KIAA1328: variants seen among roughly 807,000 people sequenced by gnomAD.
KIAA1328 encodes the protein KIAA1328.
Under a neutral mutation model 68.1 loss-of-function variants are expected in KIAA1328, and 52 were observed. The ratio of observed to expected loss-of-function variants is 0.76; its 90% CI spans 0.61 to 0.96. KIAA1328 has a LOEUF of 0.96. KIAA1328 is among the 40% of genes least tolerant of loss of function. The pLI, the probability that KIAA1328 is intolerant of heterozygous loss-of-function variation, is 0.00. For synonymous variants in KIAA1328, 232 were observed against 239.4 expected (o/e 0.97, Z 0.28); for missense variants, 641 against 677.6 (o/e 0.95, Z 0.60).
At chr18:37,005,007 CA>C (rs1475317840) in intron 6 of KIAA1328, among the ~76,000 whole-genome samples, 2 of 151,950 alleles carry the variant, frequency 1.3e-5, no homozygotes, top group Admixed American at 1.3e-4. Context: ...AATGAAAAAC[CA>C]AATATTGTAT....
chr18:37,170,571 T>C (rs2059480628), intron 8 of KIAA1328, among the ~76,000 whole-genome samples: 3 of 152,206 alleles, frequency 2.0e-5, no homozygotes, highest in Admixed American at 2.0e-4. Context: ...TTCATGCTCG[T>C]CATTGTTTCC....
intron 4 of KIAA1328, among the ~76,000 whole-genome samples, chr18:36,878,281 GA>G (rs765119954): frequency 3.3e-5 from 5 of 152,160 alleles, no homozygotes; most frequent in Non-Finnish European, 5.9e-5. Flanking sequence ...CTTTGCGTAT[GA>G]AGCTTAGTTT....
intron 5 of KIAA1328, among the ~76,000 whole-genome samples, chr18:36,949,938 A>T (rs146013119): frequency 8.3e-4 from 126 of 152,368 alleles, no homozygotes; most frequent in African/African-American, 2.6e-3. Context: ...GGAAGATTTC[A>T]GACTTGTATC....
At chr18:36,975,387 T>A (rs1460345771) in intron 6 of KIAA1328, among the ~76,000 whole-genome samples, 2 of 151,994 alleles carry the variant, frequency 1.3e-5, no homozygotes, top group Non-Finnish European at 2.9e-5. Flanking sequence ...TTTCACCGTT[T>A]TAGCTGGGAT....
At chr18:36,956,271 T>C (rs924292694) in intron 5 of KIAA1328, among the ~76,000 whole-genome samples, 4 of 152,240 alleles carry the variant, frequency 2.6e-5, no homozygotes, top group Admixed American at 1.3e-4. Flanking sequence ...AAGGTTGCAA[T>C]GACTGCTCTG....
intron 7 of KIAA1328, among the ~76,000 whole-genome samples, chr18:37,118,964 C>CT (rs2058196438): frequency 6.6e-6 from 1 of 152,200 alleles, no homozygotes; most frequent in Non-Finnish European, 1.5e-5. Context: ...AAAGACATTT[C>CT]ACCATTTTCT....
intron 6 of KIAA1328, among the ~76,000 whole-genome samples, chr18:37,021,063 A>T (rs553855772): frequency 9.2e-5 from 14 of 152,346 alleles, no homozygotes; most frequent in African/African-American, 3.4e-4. Context: ...TTATTTGTAT[A>T]GGACTCCCCA....
At chr18:36,865,369 G>A (rs898007215) in intron 4 of KIAA1328, among the ~76,000 whole-genome samples, 22 of 151,532 alleles carry the variant, frequency 1.5e-4, no homozygotes, top group African/African-American at 4.1e-4. Flanking sequence ...GATTTTTCTC[G>A]TCTTTCTATT....
intron 6 of KIAA1328, among the ~76,000 whole-genome samples, chr18:37,064,425 C>A (rs770997046): frequency 3.5e-4 from 53 of 152,048 alleles, no homozygotes; most frequent in Admixed American, 1.2e-3. Context: ...TCCCCTTATA[C>A]TAGGGATCTC....
chr18:37,111,110 A>G (rs886145142), intron 7 of KIAA1328, among the ~76,000 whole-genome samples: 3 of 152,160 alleles, frequency 2.0e-5, no homozygotes, highest in Non-Finnish European at 4.4e-5. Flanking sequence ...TCAACTTGAG[A>G]AAAAGAACCA....
chr18:36,859,253 T>G (rs941160539), intron 4 of KIAA1328, among the ~76,000 whole-genome samples: 1 of 152,098 alleles, frequency 6.6e-6, no homozygotes, highest in Non-Finnish European at 1.5e-5. Context: ...TCATTATGTC[T>G]CCTTTATTTT....
chr18:37,002,451 C>T (rs1300844171), intron 6 of KIAA1328, among the ~76,000 whole-genome samples: 1 of 151,372 alleles, frequency 6.6e-6, no homozygotes, highest in African/African-American at 2.4e-5. Context: ...AACTCCTGGT[C>T]TTTAGTGATC....
intron 7 of KIAA1328, among the ~76,000 whole-genome samples, chr18:37,115,153 A>G (rs2058066337): frequency 6.6e-6 from 1 of 152,214 alleles, no homozygotes; most frequent in African/African-American, 2.4e-5. Context: ...AATCCTCCCT[A>G]ACTGATTTTA....
intron 4 of KIAA1328, among the ~76,000 whole-genome samples, chr18:36,865,175 A>G (rs2047707400): frequency 6.6e-6 from 1 of 151,816 alleles, no homozygotes; most frequent in African/African-American, 2.4e-5. Flanking sequence ...TTAATGCTAT[A>G]TACCTTCTTC....
At chr18:37,143,045 C>T (rs1199411632) in intron 7 of KIAA1328, among the ~76,000 whole-genome samples, 4 of 151,560 alleles carry the variant, frequency 2.6e-5, no homozygotes, top group Non-Finnish European at 5.9e-5. Context: ...ACCTCCGCCT[C>T]CCAGGCTCAA....
intron 6 of KIAA1328, among the ~76,000 whole-genome samples, chr18:37,043,807 G>A (rs1163054958): frequency 1.4e-4 from 21 of 152,110 alleles, no homozygotes; most frequent in Admixed American, 1.4e-3. Flanking sequence ...CTCCTTCTAT[G>A]CCACCCAGTA....
rs74770529 is a variant in KIAA1328, at chr18:36,974,476, T to C, written c.576+15041T>C. 2.4e-3 allele frequency among the ~76,000 whole-genome samples: 369 copies of C among 152,322 alleles called. 2 individuals carry two copies. The highest frequency in any genetic ancestry group is 8.5e-3 in the African/African-American group (353 of 41,570). ...ATTTATGTTACTGCAGTAGACATAA[T>C]TGCATTCTTTTTTTGCGGATGAATA... On this transcript the variant is annotated intron_variant, in intron 6 of 9. Coordinates refer to ENST00000280020, the MANE Select transcript of KIAA1328 (RefSeq NM_020776.3).
intron 6 of KIAA1328, among the ~76,000 whole-genome samples, chr18:36,970,949 A>G (rs760726347): frequency 6.6e-6 from 1 of 152,200 alleles, no homozygotes; most frequent in African/African-American, 2.4e-5. Context: ...ACAAAAAACT[A>G]CTTTAAATTT....
chr18:36,873,136 T>G (rs1163654072), intron 4 of KIAA1328, among the ~76,000 whole-genome samples: 3 of 152,190 alleles, frequency 2.0e-5, no homozygotes. Flanking sequence ...GAGTATGAAG[T>G]CCTGGCTCAT....
Sources: allele counts gnomAD v4.1 joint callset (sites outside exome capture counted in the v4.1 genomes callset), GRCh38; gene constraint gnomAD v4.1.1; transcripts MANE v1.5; gene names NCBI Gene and HGNC (gene_info 2026-07-23, HGNC 2026-07-21).